DSCAML1: variants seen among roughly 807,000 people sequenced by gnomAD.
DSCAML1 encodes the protein DS cell adhesion molecule like 1, also known as cell adhesion molecule DSCAML1.
Under a neutral mutation model 200.5 loss-of-function variants are expected in DSCAML1, and 38 were observed. The ratio of observed to expected loss-of-function variants is 0.19; its 90% CI spans 0.15 to 0.25. The LOEUF (loss-of-function observed/expected upper bound fraction) is 0.25. Among genes scored for constraint, DSCAML1 ranks in the 10% least tolerant of loss-of-function variants. The pLI is 1.00. For synonymous variants in DSCAML1, 1,215 were observed against 1,165.0 expected (o/e 1.04, Z -0.87); for missense variants, 2,223 against 2,858.8 (o/e 0.78, Z 5.07).
intron 28 of DSCAML1, 32 bp from the exon 29 acceptor site, chr11:117,433,288 AG>A: frequency 6.3e-7 from 1 of 1,588,568 alleles, no homozygotes; most frequent in Non-Finnish European, 8.6e-7. Flanking sequence ...GTGGTGGCTC[AG>A]CAGCCATAAG....
Position 117,691,958 on chromosome 11 carries a change from C to CT in DSCAML1, c.511+84832dup, listed in dbSNP as rs760967080. ...GTTCAACATTTCCACTCTGAAATGACTTTTTTTTTAAGCTGTGAGCATGAG... is the reference window on the plus strand; with the variant it reads ...GTTCAACATTTCCACTCTGAAATGACTTTTTTTTTTAAGCTGTGAGCATGAG... On this transcript the variant is annotated intron_variant, in intron 3 of 32. Coordinates refer to ENST00000651296, the MANE Select transcript of DSCAML1 (RefSeq NM_020693.4). Among the ~76,000 whole-genome samples the CT allele has an allele frequency of 3.6e-4, 54 of 151,596 alleles. No individual in the cohort carries two copies. The East Asian group carries it at 4.8e-3, about 14-fold the overall frequency.
At chr11:117,728,989 C>T (rs1306542332) in intron 3 of DSCAML1, among the ~76,000 whole-genome samples, 1 of 152,134 alleles carries the variant, frequency 6.6e-6, no homozygotes, top group African/African-American at 2.4e-5. Flanking sequence ...GAAGAAAAAA[C>T]TGGAGGATTT....
intron 3 of DSCAML1, among the ~76,000 whole-genome samples, chr11:117,751,953 T>C (rs757445544): frequency 2.4e-4 from 36 of 152,212 alleles, no homozygotes; most frequent in Non-Finnish European, 4.4e-4. Context: ...TAATTACCAA[T>C]GGATGTAATT....
intron 3 of DSCAML1, among the ~76,000 whole-genome samples, chr11:117,563,717 C>T (rs754767793): frequency 1.3e-5 from 2 of 152,018 alleles, no homozygotes; most frequent in Admixed American, 6.6e-5. Flanking sequence ...GACCTCAAAG[C>T]GGAATTGATT....
Position 117,504,787 on chromosome 11 carries a change from G to T in DSCAML1, c.2182+137C>A, listed in dbSNP as rs559932724. 3 of 1,243,166 alleles carry T rather than the reference G, an allele frequency of 2.4e-6. No homozygotes were observed. The highest frequency in any genetic ancestry group is 3.2e-6 in the Non-Finnish European group (3 of 951,024). The allele number at this position is 1,243,166 out of a possible 1,614,324, so 77.0% of individuals were successfully genotyped here. On this transcript the variant is annotated intron_variant, in intron 10 of 32. Coordinates refer to ENST00000651296, the MANE Select transcript of DSCAML1 (RefSeq NM_020693.4). The surrounding 1 kb of genome is among the most constrained non-coding windows in gnomAD (Gnocchi z 5.0). ...GACTCCAGGTGAGGTGTAGCCTGGG[G>T]TCCACTGGGGTGCAGACCAGAGGAC...
In DSCAML1 at chr11:117,575,543, T is replaced by G. The variant is rs145950330; in HGVS notation, c.512-43021A>C. ...GATAAAGCTTCTTGTGGTGATTTGC[T>G]GTATGGCTGGGGTTGAGACTCCTGC... is the stretch of plus-strand genomic sequence containing the variant. On this transcript the variant is annotated intron_variant, in intron 3 of 32. Coordinates refer to ENST00000651296, the MANE Select transcript of DSCAML1 (RefSeq NM_020693.4). 6.3e-3 allele frequency among the ~76,000 whole-genome samples: 960 copies of G among 152,362 alleles called. 10 individuals are homozygous for G. The highest frequency in any genetic ancestry group is 9.3e-3 in the Non-Finnish European group (630 of 68,028).
intron 8 of DSCAML1, among the ~76,000 whole-genome samples, chr11:117,513,865 G>A (rs1162608260): frequency 6.6e-6 from 1 of 152,128 alleles, no homozygotes; most frequent in African/African-American, 2.4e-5. Flanking sequence ...CACTGTGATG[G>A]GTGTTGGGCA....
At chr11:117,606,923 T>C (rs2051579246) in intron 3 of DSCAML1, among the ~76,000 whole-genome samples, 1 of 152,156 alleles carries the variant, frequency 6.6e-6, no homozygotes, top group African/African-American at 2.4e-5. Flanking sequence ...AGGGGGAGTG[T>C]TGACTGGTTG....
intron 14 of DSCAML1, among the ~76,000 whole-genome samples, chr11:117,474,465 C>A (rs181279906): frequency 1.3e-5 from 2 of 152,272 alleles, no homozygotes; most frequent in East Asian, 3.9e-4. Flanking sequence ...ACCATGCATT[C>A]TATTTTCATC....
chr11:117,677,941 C>T (rs577590453), intron 3 of DSCAML1, among the ~76,000 whole-genome samples: 3 of 152,184 alleles, frequency 2.0e-5, no homozygotes, highest in Admixed American at 6.5e-5. Context: ...ACTCCACTCA[C>T]GAGGACTGCC....
At chr11:117,707,021 T>C (rs1170095246) in intron 3 of DSCAML1, among the ~76,000 whole-genome samples, 2 of 152,176 alleles carry the variant, frequency 1.3e-5, no homozygotes, top group Admixed American at 6.5e-5. Flanking sequence ...AGCAGCAGAA[T>C]CTAGTTCCCT....
intron 6 of DSCAML1, among the ~76,000 whole-genome samples, chr11:117,520,694 G>A (rs2049868885): frequency 6.7e-6 from 1 of 150,246 alleles, no homozygotes; most frequent in Non-Finnish European, 1.5e-5. Flanking sequence ...AGACCAGCCT[G>A]AGCAACATAG....
intron 3 of DSCAML1, among the ~76,000 whole-genome samples, chr11:117,538,806 C>T (rs748376824): frequency 1.2e-5 from 1 of 85,666 alleles, no homozygotes; most frequent in Non-Finnish European, 2.3e-5. Flanking sequence ...AGGTGATAGA[C>T]AGGGGAGGAG....
intron 3 of DSCAML1, among the ~76,000 whole-genome samples, chr11:117,701,359 C>A (rs184477893): frequency 3.9e-5 from 6 of 152,262 alleles, no homozygotes; most frequent in Admixed American, 6.5e-5. Context: ...AACGATGATA[C>A]CACCCTGGGC....
intron 3 of DSCAML1, among the ~76,000 whole-genome samples, chr11:117,600,772 T>C (rs2051450885): frequency 6.6e-6 from 1 of 152,168 alleles, no homozygotes; most frequent in African/African-American, 2.4e-5. Flanking sequence ...TTCCTTTCTC[T>C]GGGTGTTTCC....
At chr11:117,562,230 G>A (rs1174735840) in intron 3 of DSCAML1, among the ~76,000 whole-genome samples, 1 of 152,168 alleles carries the variant, frequency 6.6e-6, no homozygotes, top group Non-Finnish European at 1.5e-5. Flanking sequence ...AGGAGCTCAA[G>A]CTCCAGTTAC....
At chr11:117,672,810 TAAC>T (rs1320389757) in intron 3 of DSCAML1, among the ~76,000 whole-genome samples, 2 of 152,204 alleles carry the variant, frequency 1.3e-5, no homozygotes, top group East Asian at 1.9e-4. Flanking sequence ...ACAACACACT[TAAC>T]AACAGTTCAT....
chr11:117,513,060 GGCTGGCGCAGGGAGTGGA>G (rs2049676439), intron 8 of DSCAML1, among the ~76,000 whole-genome samples: 1 of 152,106 alleles, frequency 6.6e-6, no homozygotes, highest in Non-Finnish European at 1.5e-5. Context: ...TGCCAGTGAG[GGCTGGCGCAGGGAGTGGA>G]GCAAAGGTTA....
chr11:117,677,964 AG>A (rs2053244715), intron 3 of DSCAML1, among the ~76,000 whole-genome samples: 2 of 152,204 alleles, frequency 1.3e-5, no homozygotes, highest in African/African-American at 4.8e-5. Context: ...CCGAAGAAAG[AG>A]GCTGTGCGGT....
Sources: gnomAD v4.1 joint callset for allele counts (sites outside exome capture counted in the v4.1 genomes callset) on GRCh38, gnomAD v4.1.1 for gene constraint, Gnocchi (gnomAD v3.1) non-coding constraint, MANE v1.5 for transcripts, NCBI Gene and HGNC (gene_info 2026-07-23, HGNC 2026-07-21) for gene names.